Variants in TJP3 observed in about 807,000 individuals in gnomAD.
TJP3 encodes tight junction protein 3.
A neutral mutation model predicts 104.2 loss-of-function variants in TJP3; 85 were observed. The observed-to-expected ratio is 0.82, with a 90% CI of 0.68 to 0.98. The LOEUF (loss-of-function observed/expected upper bound fraction) is 0.98. TJP3 is among the 50% of genes least tolerant of loss of function. The pLI, the probability that TJP3 is intolerant of heterozygous loss-of-function variation, is 0.00. For synonymous variants in TJP3, 550 were observed against 550.6 expected (o/e 1.00, Z 0.02); for missense variants, 1,367 against 1,322.8 (o/e 1.03, Z -0.52).
chr19:3,709,523 C>T (rs2036414216), intron 1 of TJP3, among the ~76,000 whole-genome samples: 1 of 152,182 alleles, frequency 6.6e-6, no homozygotes, highest in East Asian at 1.9e-4. Context: ...GGGTCATTTG[C>T]TCCCAAATGG....
At chr19:3,726,368 C>T (rs1448860558) in intron 1 of TJP3, among the ~76,000 whole-genome samples, 4 of 152,254 alleles carry the variant, frequency 2.6e-5, no homozygotes, top group South Asian at 2.1e-4. Context: ...GAGGCCAAGG[C>T]GGGCGGATCA....
chr19:3,719,474 GC>G (rs1286813459), intron 1 of TJP3, among the ~76,000 whole-genome samples: 2 of 151,904 alleles, frequency 1.3e-5, no homozygotes, highest in East Asian at 1.9e-4. Flanking sequence ...AGTGGCTCAT[GC>G]CCATAATCCT....
Position 3,746,213 on chromosome 19 carries a change from G to T in TJP3, c.2010+132G>T. On this transcript the variant is annotated intron_variant, in intron 16 of 20. Coordinates refer to ENST00000541714, the MANE Select transcript of TJP3 (RefSeq NM_001267560.2). The surrounding 1 kb of genome is among the most constrained non-coding windows in gnomAD (Gnocchi z 4.1). ...AGTCTTCCATAGAGCCCCTTTTGGA[G>T]GCTTTGTGAGGCAGGAGGCCCGAGA... The T allele has an allele frequency of 1.1e-6, 1 of 949,094 alleles. No homozygotes were observed. Among genetic ancestry groups the T allele is most frequent in the Non-Finnish European group, 1.6e-6 (1 of 629,982 alleles). 58.8% of individuals were successfully genotyped at this position (949,094 alleles called of 1,614,324 possible). A position where few individuals can be genotyped will look rare whatever the true frequency, so the allele number is the denominator to read the frequency against.
intron 20 of TJP3, 144 bp downstream of exon 20, chr19:3,750,328 C>A: frequency 8.3e-7 from 1 of 1,205,998 alleles, no homozygotes; most frequent in Non-Finnish European, 1.2e-6. Flanking sequence ...CCTCTCTAAG[C>A]CCCATATAAT....
In TJP3 at chr19:3,746,783, C is replaced by T. The variant is rs759366075; in HGVS notation, c.2229C>T (p.Ile743=). 1 of 1,609,216 alleles carries T rather than the reference C, an allele frequency of 6.2e-7. No individual in the cohort carries two copies. The highest frequency in any genetic ancestry group is 8.5e-7 in the Non-Finnish European group (1 of 1,177,790). Residue 743 remains isoleucine (I), a synonymous_variant, in exon 18 of 21, where the codon ATC becomes ATT. Coordinates refer to ENST00000541714, the MANE Select transcript of TJP3 (RefSeq NM_001267560.2). This position sits in a 1 kb window ranked among gnomAD's most constrained non-coding sequence, Gnocchi z 4.1. ...KHSSHLFTAT[I]PLNGTSDTWY... is the part of the protein sequence containing the mutation. ...GACGTCCCCTCCCTGCAGCCACCAT[C>T]CCTCTGAATGGCACGAGTGACACCT... is the stretch of plus-strand genomic sequence containing the variant.
chr19:3,734,045 G>A (rs1455040425), intron 7 of TJP3, 133 bp downstream of exon 7: 4 of 1,242,690 alleles, frequency 3.2e-6, no homozygotes, highest in African/African-American at 3.0e-5. Flanking sequence ...CTTGCTGAAG[G>A]CCACACAGCA....
intron 18 of TJP3, among the ~76,000 whole-genome samples, chr19:3,747,350 C>T (rs769224813): frequency 1.6e-4 from 25 of 152,164 alleles, no homozygotes; most frequent in Admixed American, 5.2e-4. Flanking sequence ...CCTGAGCCAC[C>T]GCGCCCAGCC....
intron 11 of TJP3, among the ~76,000 whole-genome samples, chr19:3,737,818 C>T (rs2036755890): frequency 6.6e-6 from 1 of 152,200 alleles, no homozygotes; most frequent in Non-Finnish European, 1.5e-5. Context: ...CTAACCTTGA[C>T]ATCCACGTCA....
chr19:3,728,576 G>C, intron 2 of TJP3, 28 bp from the exon 3 acceptor site: 1 of 1,605,990 alleles, frequency 6.2e-7, no homozygotes, highest in Non-Finnish European at 8.5e-7. Flanking sequence ...GGAAACAGCA[G>C]CTCTTCCTTC....
At chr19:3,734,141 C>T (rs978599734) in intron 7 of TJP3, 186 bp from the exon 8 acceptor site, 3 of 831,954 alleles carry the variant, frequency 3.6e-6, no homozygotes, top group African/African-American at 1.7e-5. Flanking sequence ...CGTGCCTTGG[C>T]CTCCTGAGTA....
rs80268715 is a variant in TJP3 at position 3,750,181 on chromosome 19, T to C, written c.2654T>C (p.Met885Thr). 2,690 of 1,608,528 alleles carry C rather than the reference T, an allele frequency of 1.7e-3. 35 individuals carry two copies. The African/African-American group carries it at 0.031, about 19-fold the overall frequency. The change falls in exon 20 of 21, where the codon ATG (methionine) becomes ACG (threonine). Residue 885 changes from methionine (M) to threonine (T), a missense_variant. Coordinates refer to ENST00000541714, the MANE Select transcript of TJP3 (RefSeq NM_001267560.2). ...CAGGGACAGTGGCGACAGGACAGCA[T>C]GCGGTAAGAACCCCATATTCCAGAT... ...HPQGQWRQDS[M>T]RTYEREALKK...
intron 5 of TJP3, among the ~76,000 whole-genome samples, chr19:3,731,359 G>A (rs2036668652): frequency 6.6e-6 from 1 of 152,322 alleles, no homozygotes; most frequent in African/African-American, 2.4e-5. Flanking sequence ...CTGGCTGAGT[G>A]TGGTGGCTGA....
chr19:3,750,177 A>G lies in TJP3; in HGVS notation c.2650A>G (p.Ser884Gly). The G allele has an allele frequency of 3.1e-6, 5 of 1,611,484 alleles. No individual in the cohort carries two copies. Among genetic ancestry groups the G allele is most frequent in the Non-Finnish European group, 4.2e-6 (5 of 1,179,450 alleles). ...CCCCCAGGGACAGTGGCGACAGGACAGCATGCGGTAAGAACCCCATATTCC... is the reference window on the plus strand; with the variant it reads ...CCCCCAGGGACAGTGGCGACAGGACGGCATGCGGTAAGAACCCCATATTCC... ...RHPQGQWRQDSMRTYEREALK... is the reference protein window; with the variant it reads ...RHPQGQWRQDGMRTYEREALK... Residue 884 changes from serine (S) to glycine (G), a missense_variant, in exon 20 of 21, where the codon AGC becomes GGC. Coordinates refer to ENST00000541714, the MANE Select transcript of TJP3 (RefSeq NM_001267560.2).
chr19:3,739,084 G>A lies in TJP3; in HGVS notation c.1581G>A (p.Met527Ile), dbSNP rs749146859. Residue 527 changes from methionine (M) to isoleucine (I), a missense_variant, in exon 13 of 21, where the codon ATG becomes ATA. Transcript: ENST00000541714. ...GAGGCCACTGGCTGGCGGTGCGCAT[G>A]GGTCGTGACCTGCGGGAGCAAGAGC... Reference protein sequence around the residue: ...ARGGHWLAVRMGRDLREQERG... With the variant: ...ARGGHWLAVRIGRDLREQERG... 1.1e-5 allele frequency: 17 copies of A among 1,603,084 alleles called. 1 individual carries two copies. In the South Asian group the frequency reaches 1.8e-4, roughly 17 times the overall value.
chr19:3,716,589 C>T lies in TJP3; in HGVS notation c.-10+8028C>T, dbSNP rs977670887. 1.8e-4 allele frequency among the ~76,000 whole-genome samples: 26 copies of T among 146,862 alleles called. 1 individual carries two copies. Among genetic ancestry groups the T allele is most frequent in the Admixed American group, 1.1e-3 (16 of 14,384 alleles). ...CAAGCATATGCCAGTAAACATGGCC[C>T]GGGAGCCCCATTCACTGCTAGGACT... is the stretch of plus-strand genomic sequence containing the variant. On this transcript the variant is annotated intron_variant, in intron 1 of 20. Coordinates refer to ENST00000541714, the MANE Select transcript of TJP3 (RefSeq NM_001267560.2).
chr19:3,736,073 C>A (rs2036734981), intron 10 of TJP3, 92 bp from the exon 11 acceptor site: 7 of 1,553,264 alleles, frequency 4.5e-6, no homozygotes, highest in Admixed American at 1.8e-5. Flanking sequence ...AAACTGAGGC[C>A]TGGAGGGGGT....
In TJP3 at chr19:3,730,432, T is replaced by C; in HGVS notation, c.339T>C (p.Asp113=). Reference sequence around the variant, plus strand: ...CCAGCCCAGGGCGCCAGGACTCGGATGAAGACGATGGGCCCCAGCGGGTGG... The same window carrying C: ...CCAGCCCAGGGCGCCAGGACTCGGACGAAGACGATGGGCCCCAGCGGGTGG... ...SPSSPGRQDS[D]EDDGPQRVEE... Residue 113 remains aspartate (D), a synonymous_variant, in exon 5 of 21, where the codon GAT becomes GAC. Transcript: ENST00000541714. This position sits in a 1 kb window ranked among gnomAD's most constrained non-coding sequence, Gnocchi z 7.3. The C allele has an allele frequency of 6.3e-7, 1 of 1,591,082 alleles. No individual in the cohort carries two copies. The highest frequency in any genetic ancestry group is 8.5e-7 in the Non-Finnish European group (1 of 1,169,868).
chr19:3,740,887 T>G (rs771368809), intron 14 of TJP3, 124 bp downstream of exon 14: 23 of 916,262 alleles, frequency 2.5e-5, no homozygotes, highest in South Asian at 3.6e-5. Flanking sequence ...ACGCCTATAA[T>G]CCCAACACTT....
rs968902925 is a variant in TJP3 at position 3,710,020 on chromosome 19, G to A, written c.-10+1459G>A. ...AAAAATGAGCCGAATATGGTGGCAA[G>A]CACTTGTAATCCCAGCTACTCCGGA... is the stretch of plus-strand genomic sequence containing the variant. On this transcript the variant is annotated intron_variant, in intron 1 of 20. Coordinates refer to ENST00000541714, the MANE Select transcript of TJP3 (RefSeq NM_001267560.2). Among the ~76,000 whole-genome samples the A allele has an allele frequency of 2.0e-5, 3 of 151,930 alleles. No individual in the cohort carries two copies. The East Asian group carries it at 5.8e-4, about 29-fold the overall frequency.
Sources: gnomAD v4.1 joint callset for allele counts (sites outside exome capture counted in the v4.1 genomes callset) on GRCh38, gnomAD v4.1.1 for gene constraint, Gnocchi (gnomAD v3.1) non-coding constraint, MANE v1.5 for transcripts, NCBI Gene and HGNC (gene_info 2026-07-23, HGNC 2026-07-21) for gene names.